The following TENM2 variants were observed in gnomAD, a reference collection of about 807,000 sequenced individuals.
TENM2 encodes the protein teneurin transmembrane protein 2.
In TENM2, 52 loss-of-function variants were observed where a neutral mutation model predicts 245.2. The observed-to-expected ratio is 0.21, with a 90% CI of 0.17 to 0.27. The LOEUF (loss-of-function observed/expected upper bound fraction) is 0.27, where lower values mean the gene tolerates loss of function less well. Ranked by LOEUF, TENM2 falls within the 10% of genes least tolerant of loss-of-function variation. The pLI is 1.00. For missense variants in TENM2, 3,046 were observed against 3,666.8 expected, an observed-to-expected ratio of 0.83 and a Z score of 4.37; for synonymous variants, 1,363 against 1,438.9, an observed-to-expected ratio of 0.95 and a Z score of 1.19.
At chr5:167,119,288 T>C in the TENM2 span, among the ~76,000 whole-genome samples, 1 of 152,168 alleles carries the variant, frequency 6.6e-6, no homozygotes, top group African/African-American at 2.4e-5. Flanking sequence ...AGTGAGCACT[T>C]TCTACGTGGT....
intron 1 of TENM2, among the ~76,000 whole-genome samples, chr5:167,296,718 T>C (rs1754968805): frequency 6.6e-6 from 1 of 152,226 alleles, no homozygotes; most frequent in Non-Finnish European, 1.5e-5. Context: ...AAATTCTTCC[T>C]AGTTTACAGT....
At chr5:167,833,434 CA>C (rs1290900851) in intron 2 of TENM2, among the ~76,000 whole-genome samples, 3 of 152,230 alleles carry the variant, frequency 2.0e-5, no homozygotes, top group Non-Finnish European at 4.4e-5. Context: ...GCAAAAGGAA[CA>C]TTCAAAAAGT....
rs893859560 is a variant in TENM2, at chr5:167,850,976, C to T, written c.503-25010C>T. Among the ~76,000 whole-genome samples the T allele has an allele frequency of 2.6e-5, 4 of 152,184 alleles. No homozygotes were observed. In the East Asian group the frequency reaches 5.8e-4, roughly 22 times the overall value. On this transcript the variant is annotated intron_variant, in intron 2 of 28. Transcript: ENST00000518659. ...AAGCTGTAATCTTTCCCACCTAGTA[C>T]TATCACTCTTAGGGTGCATGAATCA...
intron 3 of TENM2, among the ~76,000 whole-genome samples, chr5:167,908,248 G>C (rs1776255925): frequency 6.6e-6 from 1 of 151,956 alleles, no homozygotes; most frequent in South Asian, 2.1e-4. Context: ...GACCTCAGCA[G>C]GCTGTAAATC....
chr5:167,824,428 AC>A (rs1337607164), intron 2 of TENM2, among the ~76,000 whole-genome samples: 1 of 152,096 alleles, frequency 6.6e-6, no homozygotes, highest in Non-Finnish European at 1.5e-5. Flanking sequence ...AGAGCTGGCA[AC>A]CCTCAGAGCT....
At chr5:168,256,600 T>A (rs1767692341) in intron 27 of TENM2, among the ~76,000 whole-genome samples, 1 of 152,106 alleles carries the variant, frequency 6.6e-6, no homozygotes, top group South Asian at 2.1e-4. Flanking sequence ...ATTTTTTGTG[T>A]TTTTAGTCGA....
intron 25 of TENM2, among the ~76,000 whole-genome samples, chr5:168,241,891 T>C (rs1766133995): frequency 1.3e-5 from 2 of 152,190 alleles, no homozygotes; most frequent in South Asian, 4.1e-4. Context: ...TTACGCTTAT[T>C]ATTTTCCTAT....
intron 1 of TENM2, among the ~76,000 whole-genome samples, chr5:167,350,604 A>G (rs945649014): frequency 4.8e-5 from 7 of 146,080 alleles, no homozygotes; most frequent in Admixed American, 2.2e-4. Flanking sequence ...ATATGGATAT[A>G]TATATATGGG....
At chr5:167,849,862 T>C (rs1311786376) in intron 2 of TENM2, among the ~76,000 whole-genome samples, 2 of 152,184 alleles carry the variant, frequency 1.3e-5, no homozygotes, top group Non-Finnish European at 2.9e-5. Flanking sequence ...GGTGTGGAGC[T>C]TCCATGCCTC....
chr5:167,704,637 A>T (rs771720031), intron 2 of TENM2, among the ~76,000 whole-genome samples: 5 of 152,216 alleles, frequency 3.3e-5, no homozygotes, highest in Non-Finnish European at 5.9e-5. Context: ...AGAAAAAATC[A>T]AGGAAAAAGA....
chr5:167,120,671 G>A, the TENM2 span, among the ~76,000 whole-genome samples: 5,468 of 152,244 alleles, frequency 0.036, 317 homozygotes, highest in African/African-American at 0.12. Context: ...TTAACTTGAG[G>A]AACTTTCAAT....
At chr5:167,929,697 C>T (rs1778133990) in intron 3 of TENM2, among the ~76,000 whole-genome samples, 1 of 152,068 alleles carries the variant, frequency 6.6e-6, no homozygotes, top group African/African-American at 2.4e-5. Flanking sequence ...AAGAAGTGGA[C>T]TCTGGACCTG....
rs1763355067 is a variant in TENM2, at chr5:168,218,065, A to T, written c.4234-60A>T. On this transcript the variant is annotated intron_variant, in intron 22 of 28. Transcript: ENST00000518659. The surrounding 1 kb of genome is among the most constrained non-coding windows in gnomAD (Gnocchi z 5.2). ...GATATATAAAACCAGTAAGTGCCGT[A>T]CGGTTAAACGTTGGACATATTAAAG... is the stretch of plus-strand genomic sequence containing the variant. The T allele has an allele frequency of 3.2e-6, 5 of 1,544,938 alleles. No homozygotes were observed. The highest frequency in any genetic ancestry group is 4.4e-6 in the Non-Finnish European group (5 of 1,138,012).
chr5:167,106,681 T>C, the TENM2 span, among the ~76,000 whole-genome samples: 16 of 151,782 alleles, frequency 1.1e-4, no homozygotes, highest in Non-Finnish European at 1.9e-4. Context: ...CTAGGCAGGG[T>C]GCACTTTGGT....
intron 1 of TENM2, among the ~76,000 whole-genome samples, chr5:167,325,889 A>G (rs1757046691): frequency 6.6e-6 from 1 of 152,196 alleles, no homozygotes; most frequent in Non-Finnish European, 1.5e-5. Flanking sequence ...TAAAAAGATA[A>G]TTTCAGTTAA....
intron 13 of TENM2, among the ~76,000 whole-genome samples, chr5:168,176,537 C>G (rs570716158): frequency 6.6e-6 from 1 of 152,298 alleles, no homozygotes; most frequent in African/African-American, 2.4e-5. Flanking sequence ...CCCTCCCTGC[C>G]CTCCCTGTCT....
intron 7 of TENM2, among the ~76,000 whole-genome samples, chr5:168,076,188 ATTTTATTT>A (rs1370217996): frequency 2.3e-4 from 5 of 22,096 alleles, no homozygotes; most frequent in Non-Finnish European, 4.4e-4. Context: ...ATTTTATTTT[ATTTTATTT>A]TATTTTATTT....
Position 168,247,710 on chromosome 5 carries a change from C to G in TENM2, c.6771C>G (p.Leu2257=), listed in dbSNP as rs377310392. Residue 2257 remains leucine, a synonymous_variant, in exon 27 of 29, where the codon CTC becomes CTG. Transcript: ENST00000518659. This position sits in a 1 kb window ranked among gnomAD's most constrained non-coding sequence, Gnocchi z 7.8. ...ACCTCCGGGATCGGATAACCAGACT[C>G]GGGGATGTGCAGTACAAAATTGACG... 2 of 1,613,704 alleles carry G rather than the reference C, an allele frequency of 1.2e-6. No individual in the cohort carries two copies. The highest frequency in any genetic ancestry group is 1.7e-6 in the Non-Finnish European group (2 of 1,179,890).
chr5:168,235,361 C>A (rs1346540802), intron 25 of TENM2, among the ~76,000 whole-genome samples: 1 of 152,186 alleles, frequency 6.6e-6, no homozygotes, highest in Admixed American at 6.5e-5. Context: ...CAAGCCTCTG[C>A]AAACAGATTA....
Sources: allele counts gnomAD v4.1 joint callset (sites outside exome capture counted in the v4.1 genomes callset), GRCh38; gene constraint gnomAD v4.1.1; non-coding constraint Gnocchi (gnomAD v3.1); transcripts MANE v1.5; gene names NCBI Gene and HGNC (gene_info 2026-07-23, HGNC 2026-07-21).